GPHN: variants seen among roughly 807,000 people sequenced by gnomAD.
The protein encoded by GPHN is gephyrin.
Under a neutral mutation model 95.5 loss-of-function variants are expected in GPHN, and 17 were observed. The observed-to-expected ratio is 0.18, with a 90% CI of 0.12 to 0.27. GPHN has a LOEUF of 0.27. GPHN is among the 10% of genes least tolerant of loss of function. GPHN has a pLI of 1.00. For synonymous variants in GPHN, 320 were observed against 322.5 expected (o/e 0.99, Z 0.08); for missense variants, 660 against 978.1 (o/e 0.67, Z 4.34).
chr14:66,805,527 G>A lies in GPHN; in HGVS notation c.202-18947G>A, dbSNP rs1402626202. Among the ~76,000 whole-genome samples, 5 of 152,176 alleles carry A rather than the reference G, an allele frequency of 3.3e-5. No individual in the cohort carries two copies. In the East Asian group the frequency reaches 9.6e-4, roughly 29 times the overall value. On this transcript the variant is annotated intron_variant, in intron 3 of 22. Coordinates refer to ENST00000478722, the MANE Select transcript of GPHN (RefSeq NM_020806.5). ...GACAAGTCAAGTCCCTTCTGCCTAT[G>A]AGCCTGTAAAATCAGAAGCAACTTA... is the stretch of plus-strand genomic sequence containing the variant.
At chr14:67,584,123 AG>A in the GPHN span, 5 of 1,612,994 alleles carry the variant, frequency 3.1e-6, no homozygotes, top group Non-Finnish European at 4.2e-6. Context: ...TTTGCTGCTC[AG>A]GTAAGTGCCA....
At chr14:67,053,604 C>T (rs2075413380) in intron 10 of GPHN, among the ~76,000 whole-genome samples, 1 of 152,224 alleles carries the variant, frequency 6.6e-6, no homozygotes, top group Admixed American at 6.5e-5. Flanking sequence ...TCCTCTCTGA[C>T]TCATTTTATG....
chr14:67,340,488 G>A, the GPHN span: 1 of 1,613,184 alleles, frequency 6.2e-7, no homozygotes, highest in Non-Finnish European at 8.5e-7. Context: ...GATGATATAA[G>A]CAAGAGTACG....
chr14:67,732,466 G>A, the GPHN span, among the ~76,000 whole-genome samples: 1 of 141,614 alleles, frequency 7.1e-6, no homozygotes, highest in Non-Finnish European at 1.5e-5. Flanking sequence ...ACTAGATACA[G>A]TATGATCCCG....
chr14:67,590,068 G>C, the GPHN span: 1 of 1,548,182 alleles, frequency 6.5e-7, no homozygotes, highest in Non-Finnish European at 8.7e-7. Flanking sequence ...CTGGCCTTCT[G>C]AACGCTGGGG....
chr14:66,769,775 T>C (rs1364749603), intron 2 of GPHN, among the ~76,000 whole-genome samples: 1 of 152,176 alleles, frequency 6.6e-6, no homozygotes, highest in Non-Finnish European at 1.5e-5. Flanking sequence ...TTGTGGATAG[T>C]GTTGTGATGA....
the GPHN span, chr14:67,333,523 T>C: frequency 5.2e-5 from 8 of 152,664 alleles, no homozygotes; most frequent in African/African-American, 1.9e-4. Flanking sequence ...TTTGTTAGGC[T>C]TGAATTCATT....
At chr14:67,202,255 A>C in the GPHN span, among the ~76,000 whole-genome samples, 5 of 152,212 alleles carry the variant, frequency 3.3e-5, no homozygotes, top group Admixed American at 1.3e-4. Flanking sequence ...AGCCCCACCA[A>C]CATGGTGAAG....
At chr14:66,752,707 A>G (rs1437812744) in intron 2 of GPHN, among the ~76,000 whole-genome samples, 1 of 152,094 alleles carries the variant, frequency 6.6e-6, no homozygotes, top group Non-Finnish European at 1.5e-5. Context: ...CGTGACACAG[A>G]CGTGAAGTGA....
At chr14:66,660,942 C>A (rs1219518108) in intron 1 of GPHN, among the ~76,000 whole-genome samples, 1 of 152,174 alleles carries the variant, frequency 6.6e-6, no homozygotes, top group Non-Finnish European at 1.5e-5. Flanking sequence ...CAGGAGATCC[C>A]CTTGTGAATC....
chr14:66,662,976 G>T (rs887648767), intron 1 of GPHN, among the ~76,000 whole-genome samples: 1 of 152,174 alleles, frequency 6.6e-6, no homozygotes, highest in Non-Finnish European at 1.5e-5. Flanking sequence ...ATGAGATTAT[G>T]TAAAGAGACT....
chr14:67,412,054 C>T, the GPHN span: 2 of 1,551,376 alleles, frequency 1.3e-6, no homozygotes, highest in Non-Finnish European at 1.7e-6. Context: ...GCACGCCGTC[C>T]TCCATGTCGC....
At chr14:67,259,085 C>T in the GPHN span, among the ~76,000 whole-genome samples, 1 of 151,734 alleles carries the variant, frequency 6.6e-6, no homozygotes, top group African/African-American at 2.4e-5. Flanking sequence ...TCAAGTGATC[C>T]GCCTGCCTCG....
chr14:66,935,423 C>T (rs1045348491), intron 8 of GPHN, among the ~76,000 whole-genome samples: 2 of 150,352 alleles, frequency 1.3e-5, no homozygotes, highest in African/African-American at 4.9e-5. Context: ...TTATCCATAT[C>T]ATTTGTATAT....
chr14:66,980,725 A>C (rs1364234573), intron 9 of GPHN, among the ~76,000 whole-genome samples: 4 of 152,200 alleles, frequency 2.6e-5, no homozygotes, highest in Non-Finnish European at 5.9e-5. Flanking sequence ...TGCAAATGTT[A>C]ATATATCATT....
At chr14:66,977,824 T>A (rs1053587691) in intron 9 of GPHN, among the ~76,000 whole-genome samples, 2 of 152,218 alleles carry the variant, frequency 1.3e-5, no homozygotes, top group Non-Finnish European at 2.9e-5. Context: ...TTAGATAGGA[T>A]CTGGTAATTA....
the GPHN span, among the ~76,000 whole-genome samples, chr14:67,253,569 G>A: frequency 2.0e-5 from 3 of 152,098 alleles, no homozygotes; most frequent in Admixed American, 6.6e-5. Flanking sequence ...GTTAGGCCAG[G>A]CGCAGCAGCT....
At chr14:67,266,951 A>C in the GPHN span, among the ~76,000 whole-genome samples, 2 of 151,812 alleles carry the variant, frequency 1.3e-5, no homozygotes, top group Non-Finnish European at 2.9e-5. Flanking sequence ...CTCTACTAAA[A>C]ATACAAAATT....
intron 4 of GPHN, among the ~76,000 whole-genome samples, chr14:66,828,418 T>C (rs1054746206): frequency 1.4e-4 from 21 of 152,110 alleles, no homozygotes; most frequent in African/African-American, 5.1e-4. Flanking sequence ...TTGATAGTTG[T>C]ATCTAAAGAG....
Sources: gnomAD v4.1 joint callset for allele counts (sites outside exome capture counted in the v4.1 genomes callset) on GRCh38, gnomAD v4.1.1 for gene constraint, MANE v1.5 for transcripts, NCBI Gene and HGNC (gene_info 2026-07-23, HGNC 2026-07-21) for gene names.